AFG1L: variants seen among roughly 807,000 people sequenced by gnomAD.
AFG1L encodes AFG1-like ATPase.
A neutral mutation model predicts 62.2 loss-of-function variants in AFG1L; 53 were observed. The ratio of observed to expected loss-of-function variants is 0.85; its 90% CI spans 0.68 to 1.07. The LOEUF (loss-of-function observed/expected upper bound fraction) is 1.07. Ranked by LOEUF, AFG1L falls within the 50% of genes least tolerant of loss-of-function variation. AFG1L has a pLI of 0.00. For synonymous variants in AFG1L, 228 were observed against 210.3 expected (o/e 1.08, Z -0.73); for missense variants, 555 against 590.5 (o/e 0.94, Z 0.62).
chr6:108,413,591 C>G (rs1322914536), intron 7 of AFG1L, among the ~76,000 whole-genome samples: 1 of 152,140 alleles, frequency 6.6e-6, no homozygotes. Flanking sequence ...TGCAATCAAA[C>G]TAGAACTCAG....
At chr6:108,439,691 C>T (rs1429199606) in intron 7 of AFG1L, among the ~76,000 whole-genome samples, 1 of 152,030 alleles carries the variant, frequency 6.6e-6, no homozygotes, top group Non-Finnish European at 1.5e-5. Context: ...GTATACTTTC[C>T]TGTATTAAGT....
intron 7 of AFG1L, among the ~76,000 whole-genome samples, chr6:108,426,179 A>G (rs1271402656): frequency 6.6e-6 from 1 of 152,074 alleles, no homozygotes; most frequent in African/African-American, 2.4e-5. Flanking sequence ...TACAGTGTAA[A>G]TGAATCATAT....
intron 7 of AFG1L, among the ~76,000 whole-genome samples, chr6:108,421,247 C>T (rs575921705): frequency 8.5e-5 from 13 of 152,222 alleles, no homozygotes; most frequent in Non-Finnish European, 1.3e-4. Flanking sequence ...TCATATTGAA[C>T]GCATAAATGT....
intron 2 of AFG1L, among the ~76,000 whole-genome samples, chr6:108,336,365 T>C (rs1249121644): frequency 6.6e-6 from 1 of 152,192 alleles, no homozygotes; most frequent in African/African-American, 2.4e-5. Context: ...AGCACCACCC[T>C]TATTATCTAA....
chr6:108,493,827 ACTT>A (rs1302652307), intron 10 of AFG1L, among the ~76,000 whole-genome samples: 3 of 152,012 alleles, frequency 2.0e-5, no homozygotes, highest in South Asian at 2.1e-4. Context: ...ACGATTTCCT[ACTT>A]CTTCATCTTC....
chr6:108,463,021 G>A (rs1427386102), intron 8 of AFG1L, among the ~76,000 whole-genome samples: 2 of 151,910 alleles, frequency 1.3e-5, no homozygotes, highest in East Asian at 1.9e-4. Flanking sequence ...CGGGTGCAGT[G>A]ACTCACGCCT....
At chr6:108,318,311 C>A in intron 1 of AFG1L, 1 of 397,248 alleles carries the variant, frequency 2.5e-6, no homozygotes, top group Non-Finnish European at 4.8e-6. Flanking sequence ...ATGCGTTGAG[C>A]CCAACTGCAG....
chr6:108,370,728 C>T (rs189987789), intron 6 of AFG1L, among the ~76,000 whole-genome samples: 3 of 152,238 alleles, frequency 2.0e-5, no homozygotes, highest in African/African-American at 7.2e-5. Flanking sequence ...GCTTGTACAG[C>T]TGGGTGAATG....
At chr6:108,514,935 C>G (rs1319767756) in intron 11 of AFG1L, among the ~76,000 whole-genome samples, 1 of 152,200 alleles carries the variant, frequency 6.6e-6, no homozygotes, top group African/African-American at 2.4e-5. Flanking sequence ...ATCAATTCAA[C>G]AAGAAGAGCT....
intron 7 of AFG1L, among the ~76,000 whole-genome samples, chr6:108,434,906 A>G (rs1771235711): frequency 1.3e-5 from 2 of 152,140 alleles, no homozygotes; most frequent in South Asian, 4.1e-4. Flanking sequence ...TTGAGTTTGA[A>G]ACATTCTTTC....
chr6:108,313,366 T>C (rs1167320959), intron 1 of AFG1L, among the ~76,000 whole-genome samples: 1 of 152,182 alleles, frequency 6.6e-6, no homozygotes, highest in South Asian at 2.1e-4. Flanking sequence ...AAAGGGTAGT[T>C]GTGAAGATCG....
intron 7 of AFG1L, among the ~76,000 whole-genome samples, chr6:108,429,405 T>G: frequency 6.6e-6 from 1 of 152,082 alleles, no homozygotes. Context: ...CATCAGATCT[T>G]GTGGAGACTT....
At chr6:108,327,711 A>G (rs75084653) in intron 2 of AFG1L, among the ~76,000 whole-genome samples, 2 of 152,340 alleles carry the variant, frequency 1.3e-5, no homozygotes, top group Non-Finnish European at 2.9e-5. Flanking sequence ...CATTGAGACC[A>G]TAGCACCCAC....
At position 108,523,520 on chromosome 6, in the gene AFG1L, C is replaced by T. The variant is rs1408358035; in HGVS notation, c.*1095C>T. On this transcript the variant is annotated 3_prime_UTR_variant, in exon 13 of 13. Coordinates refer to ENST00000368977, the MANE Select transcript of AFG1L (RefSeq NM_145315.5). ...AAAAACAGAAAAAATATAAAATCCACAAAATCTTGTGAAAATTAAGCATTT... is the reference window on the plus strand; with the variant it reads ...AAAAACAGAAAAAATATAAAATCCATAAAATCTTGTGAAAATTAAGCATTT... 6.6e-6 allele frequency: 1 copy of T among 152,136 alleles called. No homozygotes were observed. The highest frequency in any genetic ancestry group is 1.5e-5 in the Non-Finnish European group (1 of 68,020). The allele number at this position is 152,136 out of a possible 1,614,324, so 9.4% of individuals were successfully genotyped here.
chr6:108,457,337 AT>A (rs1307106780), intron 8 of AFG1L, among the ~76,000 whole-genome samples: 5 of 150,784 alleles, frequency 3.3e-5, no homozygotes, highest in African/African-American at 1.2e-4. Context: ...TACCTCCTTG[AT>A]TTTTTTCTTT....
intron 2 of AFG1L, among the ~76,000 whole-genome samples, chr6:108,325,869 G>C (rs1396746994): frequency 6.6e-6 from 1 of 151,476 alleles, no homozygotes; most frequent in Non-Finnish European, 1.5e-5. Flanking sequence ...TGTAGCCTCC[G>C]CCTCCCAGGT....
At chr6:108,315,173 T>C in intron 1 of AFG1L, among the ~76,000 whole-genome samples, 1 of 152,092 alleles carries the variant, frequency 6.6e-6, no homozygotes, top group East Asian at 1.9e-4. Context: ...GCCACTGTGC[T>C]GGGCCTCTTA....
At chr6:108,295,526 GT>G (rs879580196) in intron 1 of AFG1L, among the ~76,000 whole-genome samples, 11 of 151,776 alleles carry the variant, frequency 7.2e-5, no homozygotes, top group Non-Finnish European at 1.6e-4. Context: ...CAGGTGTGGG[GT>G]TGGGGCCTGG....
intron 8 of AFG1L, 86 bp from the exon 9 acceptor site, chr6:108,476,779 G>T (rs1386598081): frequency 6.7e-6 from 6 of 891,522 alleles, no homozygotes; most frequent in South Asian, 1.5e-5. Context: ...TTTTTTATGG[G>T]CAAAAAGCTA....
Sources: gnomAD v4.1 joint callset for allele counts (sites outside exome capture counted in the v4.1 genomes callset) on GRCh38, gnomAD v4.1.1 for gene constraint, MANE v1.5 for transcripts, NCBI Gene and HGNC (gene_info 2026-07-23, HGNC 2026-07-21) for gene names.